Variants in GAREM1 observed in about 807,000 individuals in gnomAD.
GAREM1 encodes GRB2-associated and regulator of MAPK protein 1.
In GAREM1, 26 loss-of-function variants were observed where a neutral mutation model predicts 71.3. That is an observed-to-expected ratio of 0.36 (90% CI 0.27 to 0.51). The LOEUF (loss-of-function observed/expected upper bound fraction) is 0.51. Ranked by LOEUF, GAREM1 falls within the 20% of genes least tolerant of loss-of-function variation. The pLI, the probability that GAREM1 is intolerant of heterozygous loss-of-function variation, is 0.95. For synonymous variants in GAREM1, 440 were observed against 433.2 expected (o/e 1.02, Z -0.20); for missense variants, 1,026 against 1,103.1 (o/e 0.93, Z 0.99).
In GAREM1 at chr18:32,470,343, G is replaced by C; in HGVS notation, c.86C>G (p.Thr29Ser). The change falls in exon 1 of 6, where the codon ACT (threonine) becomes AGT (serine). Residue 29 changes from threonine (T) to serine (S), a missense_variant. Physicochemically the swap from Thr to Ser is moderately conservative, Grantham distance 58. Around this residue, in one of 3 missense-constraint regions of GAREM1, gnomAD observed 172 missense variants for 175.2 expected, o/e 0.98. Coordinates refer to ENST00000269209, the MANE Select transcript of GAREM1 (RefSeq NM_001242409.2). The surrounding 1 kb of genome is among the most constrained non-coding windows in gnomAD (Gnocchi z 4.4). ...VAVPLDLLVS[T>S]YRLPQIARLD... ...GCGCGCGATCTGGGGCAGCCGGTAA[G>C]TGCTGACCAGGAGGTCGAGCGGCAC... The C allele has an allele frequency of 5.7e-6, 9 of 1,568,350 alleles. No homozygotes were observed. Among genetic ancestry groups the C allele is most frequent in the Non-Finnish European group, 6.9e-6 (8 of 1,159,652 alleles).
intron 1 of GAREM1, among the ~76,000 whole-genome samples, chr18:32,439,628 C>G (rs901097123): frequency 6.6e-6 from 1 of 150,494 alleles, no homozygotes; most frequent in Non-Finnish European, 1.5e-5. Context: ...TGGAAAGTAA[C>G]AGAGTGACCA....
At chr18:32,274,589 C>T (rs2041512259) in intron 4 of GAREM1, among the ~76,000 whole-genome samples, 1 of 152,164 alleles carries the variant, frequency 6.6e-6, no homozygotes, top group Non-Finnish European at 1.5e-5. Flanking sequence ...CGACCAGGCT[C>T]CCACGCATCT....
chr18:32,355,554 AC>A (rs2047796403), intron 2 of GAREM1, among the ~76,000 whole-genome samples: 1 of 152,190 alleles, frequency 6.6e-6, no homozygotes, highest in African/African-American at 2.4e-5. Flanking sequence ...AAAGAGTGAA[AC>A]AAAAATCAGA....
At chr18:32,283,048 G>C (rs2046970438) in intron 4 of GAREM1, among the ~76,000 whole-genome samples, 1 of 152,152 alleles carries the variant, frequency 6.6e-6, no homozygotes, top group Non-Finnish European at 1.5e-5. Context: ...TTCTGATCTG[G>C]GGGCACCTTG....
chr18:32,431,175 C>G (rs1001330793), intron 1 of GAREM1, among the ~76,000 whole-genome samples: 71 of 152,004 alleles, frequency 4.7e-4, no homozygotes, highest in African/African-American at 1.7e-3. Context: ...GTCAGTAAAT[C>G]TGAAGATAAA....
intron 2 of GAREM1, among the ~76,000 whole-genome samples, chr18:32,356,385 T>C (rs1343533104): frequency 1.3e-5 from 2 of 152,212 alleles, no homozygotes; most frequent in African/African-American, 4.8e-5. Context: ...TTTTTGACTT[T>C]CGCTATCACA....
chr18:32,310,103 A>G (rs2047301560), intron 3 of GAREM1, 90 bp downstream of exon 3: 2 of 1,424,070 alleles, frequency 1.4e-6, no homozygotes, highest in Non-Finnish European at 1.9e-6. Flanking sequence ...CTCCTAGGAG[A>G]CACAGATGAA....
Position 32,264,470 on chromosome 18 carries a change from G to A in GAREM1, c.*3401C>T, listed in dbSNP as rs1179279482. 6.6e-6 allele frequency: 1 copy of A among 152,140 alleles called. No individual in the cohort carries two copies. Among genetic ancestry groups the A allele is most frequent in the East Asian group, 1.9e-4 (1 of 5,188 alleles). 9.4% of individuals were successfully genotyped at this position (152,140 alleles called of 1,614,324 possible). A position where few individuals can be genotyped will look rare whatever the true frequency, so the allele number is the denominator to read the frequency against. ...ACCTCCCATCCCTGGACTTCTCAGGGAGCTGTATGGATAACATGCAGGTGG... is the reference window on the plus strand; with the variant it reads ...ACCTCCCATCCCTGGACTTCTCAGGAAGCTGTATGGATAACATGCAGGTGG... On this transcript the variant is annotated 3_prime_UTR_variant, in exon 6 of 6. Transcript: ENST00000269209.
chr18:32,448,842 C>T (rs1478732082), intron 1 of GAREM1, among the ~76,000 whole-genome samples: 1 of 152,102 alleles, frequency 6.6e-6, no homozygotes, highest in East Asian at 1.9e-4. Context: ...AATAGAAAAC[C>T]TTCTTCAGTG....
chr18:32,284,818 C>T (rs990544253), intron 4 of GAREM1, among the ~76,000 whole-genome samples: 14 of 149,486 alleles, frequency 9.4e-5, no homozygotes, highest in South Asian at 2.1e-4. Flanking sequence ...GGCGGGATCT[C>T]GGCTCACTGC....
At chr18:32,313,197 A>T (rs1216269327) in intron 2 of GAREM1, among the ~76,000 whole-genome samples, 1 of 152,146 alleles carries the variant, frequency 6.6e-6, no homozygotes, top group Non-Finnish European at 1.5e-5. Context: ...AGGAGTCAGG[A>T]TGTCACCGGG....
chr18:32,273,685 A>G (rs1353122097), intron 4 of GAREM1, among the ~76,000 whole-genome samples: 1 of 152,076 alleles, frequency 6.6e-6, no homozygotes, highest in Non-Finnish European at 1.5e-5. Context: ...ATGACTCCTG[A>G]AGGGAGTTAA....
intron 3 of GAREM1, among the ~76,000 whole-genome samples, chr18:32,288,530 CTTG>C (rs1336793715): frequency 6.6e-6 from 1 of 151,422 alleles, no homozygotes; most frequent in African/African-American, 2.4e-5. Context: ...TAGAAAATTC[CTTG>C]TTTTTTATTA....
At position 32,460,131 on chromosome 18, in the gene GAREM1, A is replaced by T. The variant is rs183112646; in HGVS notation, c.121+10177T>A. Among the ~76,000 whole-genome samples the T allele has an allele frequency of 6.8e-3, 1,037 of 151,908 alleles. 14 individuals are homozygous for T. Among genetic ancestry groups the T allele is most frequent in the African/African-American group, 0.023 (974 of 41,496 alleles). ...CATCTTATTTAAAAAAAAAAAAAAA[A>T]AAAAGTCTGACCAAAGAACTTTTCC... On this transcript the variant is annotated intron_variant, in intron 1 of 5. Transcript: ENST00000269209.
chr18:32,366,394 C>G (rs776929303), intron 2 of GAREM1, among the ~76,000 whole-genome samples: 2 of 152,142 alleles, frequency 1.3e-5, no homozygotes, highest in Non-Finnish European at 2.9e-5. Context: ...TAGAAGAGTC[C>G]TCAACAAATA....
At chr18:32,291,480 T>C (rs1470737049) in intron 3 of GAREM1, among the ~76,000 whole-genome samples, 1 of 152,020 alleles carries the variant, frequency 6.6e-6, no homozygotes, top group Non-Finnish European at 1.5e-5. Context: ...CTACATATTT[T>C]AAAAATTAGG....
intron 5 of GAREM1, 113 bp downstream of exon 5, chr18:32,270,104 A>G (rs1598917140): frequency 2.7e-6 from 3 of 1,130,794 alleles, no homozygotes; most frequent in East Asian, 2.6e-5. Context: ...TTAAAAAGCC[A>G]TTTCCTCTCC....
At chr18:32,403,385 CCTCCCG>C (rs1254347366) in intron 1 of GAREM1, among the ~76,000 whole-genome samples, 8 of 152,104 alleles carry the variant, frequency 5.3e-5, no homozygotes, top group African/African-American at 1.9e-4. Context: ...TATGTTACCC[CCTCCCG>C]CTCCCAACCT....
intron 2 of GAREM1, among the ~76,000 whole-genome samples, chr18:32,358,565 T>C (rs1056929879): frequency 2.0e-5 from 3 of 152,140 alleles, no homozygotes; most frequent in South Asian, 2.1e-4. Flanking sequence ...CAGTACATAA[T>C]TAATTAGAAT....
Sources: allele counts gnomAD v4.1 joint callset (sites outside exome capture counted in the v4.1 genomes callset), GRCh38; gene constraint gnomAD v4.1.1; regional missense constraint gnomAD v4.1.1; non-coding constraint Gnocchi (gnomAD v3.1); transcripts MANE v1.5; gene names NCBI Gene and HGNC (gene_info 2026-07-23, HGNC 2026-07-21).